LRFN2: variants seen among roughly 807,000 people sequenced by gnomAD.
LRFN2 encodes leucine rich repeat and fibronectin type III domain containing 2, also known as leucine-rich repeat and fibronectin type-III domain-containing protein 2.
A neutral mutation model predicts 37.3 loss-of-function variants in LRFN2; 18 were observed. That is an observed-to-expected ratio of 0.48 (90% CI 0.33 to 0.72). The LOEUF (loss-of-function observed/expected upper bound fraction) is 0.72. Among genes scored for constraint, LRFN2 ranks in the 30% least tolerant of loss-of-function variants. The pLI, the probability that LRFN2 is intolerant of heterozygous loss-of-function variation, is 0.02. For synonymous variants in LRFN2, 556 were observed against 466.6 expected, an observed-to-expected ratio of 1.19 and a Z score of -2.47; for missense variants, 1,006 against 1,060.7, an observed-to-expected ratio of 0.95 and a Z score of 0.72.
chr6:40,431,691 C>T (rs747017317), intron 2 of LRFN2, 23 bp downstream of exon 2: 7 of 1,503,260 alleles, frequency 4.7e-6, no homozygotes, highest in Admixed American at 4.6e-5. Flanking sequence ...CCCTCCCTGC[C>T]TTTGCCACAG....
chr6:40,579,125 A>G (rs546290661), intron 1 of LRFN2, among the ~76,000 whole-genome samples: 1 of 152,312 alleles, frequency 6.6e-6, no homozygotes, highest in African/African-American at 2.4e-5. Flanking sequence ...AATCCCTGCC[A>G]GCATCCTCAT....
intron 1 of LRFN2, among the ~76,000 whole-genome samples, chr6:40,454,161 A>C (rs28545533): frequency 6.6e-6 from 1 of 152,152 alleles, no homozygotes; most frequent in Non-Finnish European, 1.5e-5. Context: ...CTTTAATTTC[A>C]TTTTTTCCCA....
intron 1 of LRFN2, among the ~76,000 whole-genome samples, chr6:40,528,711 ATGCTAAT>A (rs1461044212): frequency 6.6e-6 from 1 of 152,206 alleles, no homozygotes; most frequent in Non-Finnish European, 1.5e-5. Flanking sequence ...AGTGTACTGA[ATGCTAAT>A]TGCCTTCGCA....
At chr6:40,401,782 C>G (rs1762746953) in intron 2 of LRFN2, among the ~76,000 whole-genome samples, 1 of 152,104 alleles carries the variant, frequency 6.6e-6, no homozygotes, top group Non-Finnish European at 1.5e-5. Context: ...CATAATTCCT[C>G]CAGCCTCCAG....
intron 1 of LRFN2, among the ~76,000 whole-genome samples, chr6:40,452,475 T>C (rs140825569): frequency 0.011 from 1,710 of 152,222 alleles, 23 homozygotes; most frequent in Non-Finnish European, 0.013. Flanking sequence ...CATTAGTGAG[T>C]CCTGAGCACT....
At chr6:40,559,293 A>G (rs1008625121) in intron 1 of LRFN2, among the ~76,000 whole-genome samples, 5 of 152,116 alleles carry the variant, frequency 3.3e-5, no homozygotes, top group African/African-American at 1.2e-4. Context: ...CCCCTAAGTA[A>G]AGCCATTACC....
intron 1 of LRFN2, among the ~76,000 whole-genome samples, chr6:40,492,965 G>T (rs148852001): frequency 5.7e-4 from 87 of 152,170 alleles, no homozygotes; most frequent in African/African-American, 1.8e-3. Context: ...GTAGTGCTAA[G>T]TGCTTCAGTG....
rs1007188742 is a variant in LRFN2, at chr6:40,471,788, C to A, written c.-18-38657G>T. ...ACTTTGTATTACACTAAGAGAGGTG[C>A]CTTCTCTGGGATGACTTGCCACATA... On this transcript the variant is annotated intron_variant, in intron 1 of 2. Transcript: ENST00000338305. Among the ~76,000 whole-genome samples the A allele has an allele frequency of 5.3e-5, 8 of 152,274 alleles. No homozygotes were observed. The East Asian group carries it at 1.5e-3, about 29-fold the overall frequency.
intron 1 of LRFN2, among the ~76,000 whole-genome samples, chr6:40,561,883 A>C (rs893322353): frequency 6.6e-6 from 1 of 152,046 alleles, no homozygotes; most frequent in Non-Finnish European, 1.5e-5. Flanking sequence ...CTCAGGCCTC[A>C]GGGAACCCTA....
chr6:40,521,998 C>T (rs1362080109), intron 1 of LRFN2, among the ~76,000 whole-genome samples: 2 of 152,180 alleles, frequency 1.3e-5, no homozygotes, highest in African/African-American at 4.8e-5. Context: ...TAAGGCCATG[C>T]CTCCAAGACC....
At chr6:40,448,779 AC>A (rs2113840389) in intron 1 of LRFN2, among the ~76,000 whole-genome samples, 1 of 152,338 alleles carries the variant, frequency 6.6e-6, no homozygotes, top group East Asian at 1.9e-4. Flanking sequence ...AGAAGGCAGA[AC>A]CAAGGAAGCT....
chr6:40,453,390 C>T (rs1260599265), intron 1 of LRFN2, among the ~76,000 whole-genome samples: 2 of 151,704 alleles, frequency 1.3e-5, no homozygotes, highest in Non-Finnish European at 2.9e-5. Context: ...TTTAAGGATC[C>T]TAAGCATCCA....
intron 2 of LRFN2, among the ~76,000 whole-genome samples, chr6:40,395,584 T>G (rs1465767816): frequency 1.3e-5 from 2 of 152,144 alleles, no homozygotes; most frequent in Non-Finnish European, 2.9e-5. Flanking sequence ...ATGATGTAAG[T>G]TGAGATGGCA....
chr6:40,464,040 A>T (rs4711636), intron 1 of LRFN2, among the ~76,000 whole-genome samples: 123,545 of 152,082 alleles, frequency 0.81, 51,476 homozygotes, highest in Non-Finnish European at 0.9. Context: ...CTCTGCAGGA[A>T]GTCCTTTCTG....
At chr6:40,486,319 T>C (rs149395363) in intron 1 of LRFN2, among the ~76,000 whole-genome samples, 2 of 152,176 alleles carry the variant, frequency 1.3e-5, no homozygotes, top group East Asian at 1.9e-4. Flanking sequence ...CAATGAGTAA[T>C]CTTAGAAGGA....
At chr6:40,467,193 TG>T (rs1764489419) in intron 1 of LRFN2, among the ~76,000 whole-genome samples, 1 of 150,808 alleles carries the variant, frequency 6.6e-6, no homozygotes, top group African/African-American at 2.5e-5. Flanking sequence ...ATGATGATGA[TG>T]ATGATGATGA....
At chr6:40,421,261 G>A (rs945051663) in intron 2 of LRFN2, among the ~76,000 whole-genome samples, 4 of 152,192 alleles carry the variant, frequency 2.6e-5, no homozygotes, top group Admixed American at 2.0e-4. Flanking sequence ...GTATCTGATA[G>A]GTCTCAATCC....
At position 40,414,394 on chromosome 6, in the gene LRFN2, C is replaced by G. The variant is rs187834360; in HGVS notation, c.1400+17320G>C. Among the ~76,000 whole-genome samples the G allele has an allele frequency of 1.1e-4, 16 of 152,266 alleles. No homozygotes were observed. In the East Asian group the frequency reaches 2.9e-3, roughly 28 times the overall value. On this transcript the variant is annotated intron_variant, in intron 2 of 2. Transcript: ENST00000338305. Reference sequence around the variant, plus strand: ...CATGCCTCAGTTCCCCCCTCCTCCCCGCCGTAAAATCAAGGTAATACCAGC... The same window carrying G: ...CATGCCTCAGTTCCCCCCTCCTCCCGGCCGTAAAATCAAGGTAATACCAGC...
intron 1 of LRFN2, among the ~76,000 whole-genome samples, chr6:40,487,461 C>T (rs761195908): frequency 3.3e-5 from 5 of 152,230 alleles, no homozygotes; most frequent in African/African-American, 4.8e-5. Context: ...CTGTTCCTCC[C>T]GCAGCCTTCC....
Sources: allele counts gnomAD v4.1 joint callset (sites outside exome capture counted in the v4.1 genomes callset), GRCh38; gene constraint gnomAD v4.1.1; transcripts MANE v1.5; gene names NCBI Gene and HGNC (gene_info 2026-07-23, HGNC 2026-07-21).